The following ZNF462 variants were observed in gnomAD, a reference collection of about 807,000 sequenced individuals.
The protein encoded by ZNF462 is zinc finger PBX1-interacting protein.
In ZNF462, 10 loss-of-function variants were observed where a neutral mutation model predicts 201.9. The observed-to-expected ratio is 0.05, with a 90% confidence interval of 0.03 to 0.08. ZNF462 has a LOEUF of 0.08. Ranked by LOEUF, ZNF462 falls within the 10% of genes least tolerant of loss-of-function variation. The pLI is 1.00. For synonymous variants in ZNF462, 1,227 were observed against 1,193.3 expected (o/e 1.03, Z -0.58); for missense variants, 2,523 against 3,168.3 (o/e 0.80, Z 4.89).
chr9:106,867,543 T>A (rs1393230325), intron 1 of ZNF462, among the ~76,000 whole-genome samples: 2 of 151,714 alleles, frequency 1.3e-5, no homozygotes, highest in Non-Finnish European at 2.9e-5. Context: ...TTTTTCCCCC[T>A]TACTCTTTGG....
intron 1 of ZNF462, among the ~76,000 whole-genome samples, chr9:106,864,166 G>C (rs1827220476): frequency 6.7e-6 from 1 of 148,848 alleles, no homozygotes; most frequent in East Asian, 2.0e-4. Context: ...GGCTGCTGCA[G>C]CTGCTGGTGC....
chr9:106,893,055 C>T (rs1456989580), intron 1 of ZNF462, among the ~76,000 whole-genome samples: 1 of 152,190 alleles, frequency 6.6e-6, no homozygotes, highest in Non-Finnish European at 1.5e-5. Context: ...AAAGTGTGGA[C>T]GTCAACTTTA....
At position 106,926,386 on chromosome 9, in the gene ZNF462, A is replaced by G. The variant is rs767345622; in HGVS notation, c.2474A>G (p.Tyr825Cys). ...CTGCTGAATACCCAAACTCCCATCT[A>G]TGGGACTGAGCACAATAGTGAAAAC... ...TALLNTQTPI[Y>C]GTEHNSENTD... Residue 825 changes from tyrosine (Y) to cysteine (C), a missense_variant, in exon 3 of 13, where the codon TAT becomes TGT. Physicochemically the swap from Tyr to Cys is radical, Grantham distance 194 (BLOSUM62 -2). This residue lies in a region of ZNF462 where 383 missense variants were observed against 453.4 expected (regional missense o/e 0.84). Transcript: ENST00000277225. The surrounding 1 kb of genome is among the most constrained non-coding windows in gnomAD (Gnocchi z 7.9). 31 of 1,614,094 alleles carry G rather than the reference A, an allele frequency of 1.9e-5. 1 individual carries two copies. Among genetic ancestry groups the G allele is most frequent in the Middle Eastern group, 1.6e-4 (1 of 6,084 alleles).
chr9:106,926,748 A>G lies in ZNF462; in HGVS notation c.2836A>G (p.Arg946Gly). The change falls in exon 3 of 13, where the codon AGA (arginine) becomes GGA (glycine). Residue 946 changes from arginine to glycine, a missense_variant. Physicochemically the swap from Arg to Gly is moderately radical, Grantham distance 125. This residue lies in a region of ZNF462 where 280 missense variants were observed against 321.3 expected (regional missense o/e 0.87). Coordinates refer to ENST00000277225, the MANE Select transcript of ZNF462 (RefSeq NM_021224.6). The surrounding 1 kb of genome is among the most constrained non-coding windows in gnomAD (Gnocchi z 7.9). ...NVRSLMPHYQRMHPTVKINNA... is the reference protein window; with the variant it reads ...NVRSLMPHYQGMHPTVKINNA... ...TAGAAGCCTGATGCCACATTACCAA[A>G]GAATGCATCCCACGGTGAAGATCAA... is the stretch of plus-strand genomic sequence containing the variant. The G allele has an allele frequency of 6.2e-7, 1 of 1,614,184 alleles. No homozygotes were observed. Among genetic ancestry groups the G allele is most frequent in the Non-Finnish European group, 8.5e-7 (1 of 1,180,026 alleles).
intron 1 of ZNF462, among the ~76,000 whole-genome samples, chr9:106,915,588 G>T (rs928250400): frequency 6.6e-6 from 1 of 152,212 alleles, no homozygotes; most frequent in Non-Finnish European, 1.5e-5. Context: ...ATTTGTTGAA[G>T]CAAGGGTGGG....
intron 10 of ZNF462, among the ~76,000 whole-genome samples, chr9:106,990,609 T>C (rs1379991599): frequency 1.3e-5 from 2 of 152,050 alleles, no homozygotes; most frequent in Admixed American, 6.6e-5. Flanking sequence ...TGCCATATTA[T>C]GTTCTTTAAT....
rs183270361 is a variant in ZNF462, at chr9:106,952,540, G to A, written c.6427+13433G>A. Among the ~76,000 whole-genome samples, 3 of 152,276 alleles carry A rather than the reference G, an allele frequency of 2.0e-5. No homozygotes were observed. The East Asian group carries it at 5.8e-4, about 29-fold the overall frequency. On this transcript the variant is annotated intron_variant, in intron 7 of 12. Transcript: ENST00000277225. Reference sequence around the variant, plus strand: ...GACAGTTCAGTGTTTGGAAGGTGGTGCTTAATCTGGAGCCTTGTTGATATA... The same window carrying A: ...GACAGTTCAGTGTTTGGAAGGTGGTACTTAATCTGGAGCCTTGTTGATATA...
intron 10 of ZNF462, among the ~76,000 whole-genome samples, chr9:106,988,386 C>T (rs1316686124): frequency 1.3e-5 from 2 of 152,134 alleles, no homozygotes; most frequent in Non-Finnish European, 2.9e-5. Flanking sequence ...TATCTCCCAC[C>T]AGACCCCTCC....
rs566841751 is a variant in ZNF462 at position 106,994,094 on chromosome 9, G to A, written c.7057-9200G>A. ...ATAAAAATATATTATCTCTAACTTGGTCCGCTCGTAAAATTGTCATGTTCA... is the reference window on the plus strand; with the variant it reads ...ATAAAAATATATTATCTCTAACTTGATCCGCTCGTAAAATTGTCATGTTCA... On this transcript the variant is annotated intron_variant, in intron 10 of 12. Transcript: ENST00000277225. Among the ~76,000 whole-genome samples, 12 of 152,132 alleles carry A rather than the reference G, an allele frequency of 7.9e-5. No homozygotes were observed. The East Asian group carries it at 9.7e-4, about 12-fold the overall frequency.
chr9:106,939,027 G>A lies in ZNF462; in HGVS notation c.6347G>A (p.Arg2116Gln), dbSNP rs1274061321. 3 of 1,613,826 alleles carry A rather than the reference G, an allele frequency of 1.9e-6. No individual in the cohort carries two copies. Among genetic ancestry groups the A allele is most frequent in the East Asian group, 2.2e-5 (1 of 44,862 alleles). ...HGKALTLPRP[R>Q]IVSLLSSHSH... ...AAAGCCCTGACCCTCCCCAGGCCAC[G>A]GATCGTCAGTCTCCTCTCCTCACAC... Residue 2116 changes from arginine (R) to glutamine (Q), a missense_variant, in exon 7 of 13, where the codon CGG (arginine) becomes CAG (glutamine). Arg to Gln is a conservative substitution (Grantham distance 43). This residue lies in a region of ZNF462 where 138 missense variants were observed against 146.3 expected (regional missense o/e 0.94). Transcript: ENST00000277225.
intron 1 of ZNF462, among the ~76,000 whole-genome samples, chr9:106,878,834 T>G (rs1827955395): frequency 6.6e-6 from 1 of 152,232 alleles, no homozygotes; most frequent in Non-Finnish European, 1.5e-5. Flanking sequence ...GCAGATGATT[T>G]AAATATTTAC....
intron 1 of ZNF462, among the ~76,000 whole-genome samples, chr9:106,916,122 A>G (rs189457313): frequency 6.6e-6 from 1 of 152,342 alleles, no homozygotes; most frequent in Non-Finnish European, 1.5e-5. Flanking sequence ...GCCACTGGCC[A>G]TACATCATTT....
intron 7 of ZNF462, among the ~76,000 whole-genome samples, chr9:106,948,754 G>A (rs1018617912): frequency 2.0e-5 from 3 of 150,826 alleles, no homozygotes; most frequent in Admixed American, 1.3e-4. Context: ...ATCACCACAT[G>A]ACTTACTATA....
Position 106,929,306 on chromosome 9 carries a change from G to A in ZNF462, c.5394G>A (p.Gln1798=). Residue 1798 remains glutamine, a synonymous_variant, in exon 3 of 13, where the codon CAG becomes CAA. Coordinates refer to ENST00000277225, the MANE Select transcript of ZNF462 (RefSeq NM_021224.6). This position sits in a 1 kb window ranked among gnomAD's most constrained non-coding sequence, Gnocchi z 8.7. ...ACCCAGGGGTGTTCCCAAAGAAGCA[G>A]CACGCCAGCAAGTTGGGGGGCTACT... The part of the protein sequence containing the change: ...KRHPGVFPKK[Q]HASKLGGYFT... 4.3e-6 allele frequency: 7 copies of A among 1,614,150 alleles called. No homozygotes were observed. The highest frequency in any genetic ancestry group is 1.1e-5 in the South Asian group (1 of 91,076).
Position 106,962,936 on chromosome 9 carries a change from T to A in ZNF462, c.6428-9069T>A, listed in dbSNP as rs568981425. Reference sequence around the variant, plus strand: ...GTGCCAGAGTCCTTGGCCTGGAGATTTTCAAGGCATAATCAAAAGAAGGAA... The same window carrying A: ...GTGCCAGAGTCCTTGGCCTGGAGATATTCAAGGCATAATCAAAAGAAGGAA... On this transcript the variant is annotated intron_variant, in intron 7 of 12. Coordinates refer to ENST00000277225, the MANE Select transcript of ZNF462 (RefSeq NM_021224.6). This position sits in a 1 kb window ranked among gnomAD's most constrained non-coding sequence, Gnocchi z 4.6. 6.6e-6 allele frequency among the ~76,000 whole-genome samples: 1 copy of A among 152,098 alleles called. No homozygotes were observed. The highest frequency in any genetic ancestry group is 2.1e-4 in the South Asian group (1 of 4,820).
At chr9:106,903,844 ATAGT>A (rs1267810729) in intron 1 of ZNF462, among the ~76,000 whole-genome samples, 3 of 152,144 alleles carry the variant, frequency 2.0e-5, no homozygotes, top group South Asian at 2.1e-4. Context: ...AAGGCAGCAG[ATAGT>A]TGGTTGGTGA....
chr9:106,946,452 A>T (rs1831108413), intron 7 of ZNF462, among the ~76,000 whole-genome samples: 1 of 152,166 alleles, frequency 6.6e-6, no homozygotes, highest in Non-Finnish European at 1.5e-5. Flanking sequence ...TTTACTTGAG[A>T]TAAAAATCCC....
At chr9:106,866,028 A>G (rs912596738) in intron 1 of ZNF462, among the ~76,000 whole-genome samples, 5 of 152,208 alleles carry the variant, frequency 3.3e-5, no homozygotes, top group African/African-American at 1.2e-4. Flanking sequence ...GAAGAATTTT[A>G]GATGAACTGT....
chr9:106,989,523 G>A (rs10978694), intron 10 of ZNF462, among the ~76,000 whole-genome samples: 14,461 of 152,038 alleles, frequency 0.095, 733 homozygotes, highest in East Asian at 0.2. Flanking sequence ...TCCTTTGCTG[G>A]TTTTGGTATT....
Sources: allele counts gnomAD v4.1 joint callset (sites outside exome capture counted in the v4.1 genomes callset), GRCh38; gene constraint gnomAD v4.1.1; regional missense constraint gnomAD v4.1.1; non-coding constraint Gnocchi (gnomAD v3.1); transcripts MANE v1.5; gene names NCBI Gene and HGNC (gene_info 2026-07-23, HGNC 2026-07-21).